Variants in SHISA9 observed in about 807,000 individuals in gnomAD.
The protein encoded by SHISA9 is protein shisa-9.
Under a neutral mutation model 38.0 loss-of-function variants are expected in SHISA9, and 13 were observed. The observed-to-expected ratio is 0.34, with a 90% confidence interval of 0.22 to 0.54. The LOEUF is 0.54. SHISA9 is among the 20% of genes least tolerant of loss of function. SHISA9 has a pLI of 0.91. For synonymous variants in SHISA9, 275 were observed against 242.0 expected, an observed-to-expected ratio of 1.14 and a Z score of -1.27; for missense variants, 538 against 575.8, an observed-to-expected ratio of 0.93 and a Z score of 0.67.
chr16:13,170,013 G>T (rs1388383731), intron 2 of SHISA9, among the ~76,000 whole-genome samples: 1 of 152,012 alleles, frequency 6.6e-6, no homozygotes, highest in Admixed American at 6.6e-5. Context: ...GACCAGCATG[G>T]CCAACATGGC....
chr16:13,252,818 A>G, the SHISA9 span, among the ~76,000 whole-genome samples: 12 of 152,328 alleles, frequency 7.9e-5, no homozygotes, highest in Admixed American at 2.6e-4. Flanking sequence ...GAACATAGGC[A>G]TTCAATAAAT....
the SHISA9 span, among the ~76,000 whole-genome samples, chr16:13,292,060 A>G: frequency 6.6e-6 from 1 of 151,464 alleles, no homozygotes; most frequent in African/African-American, 2.4e-5. Context: ...ATTCCTCATG[A>G]TCAATGTCTT....
At chr16:13,139,548 G>A (rs939726980) in intron 2 of SHISA9, among the ~76,000 whole-genome samples, 2 of 150,660 alleles carry the variant, frequency 1.3e-5, no homozygotes, top group African/African-American at 4.9e-5. Flanking sequence ...CTCCCTTAAG[G>A]ATTTCCTGTG....
chr16:13,126,448 G>C (rs1212583282), intron 2 of SHISA9, among the ~76,000 whole-genome samples: 1 of 150,732 alleles, frequency 6.6e-6, no homozygotes, highest in Non-Finnish European at 1.5e-5. Flanking sequence ...GAGGGAGAGG[G>C]AAAGAGAGAT....
chr16:13,254,471 A>C, the SHISA9 span, among the ~76,000 whole-genome samples: 1 of 152,246 alleles, frequency 6.6e-6, no homozygotes, highest in African/African-American at 2.4e-5. Flanking sequence ...CTCTGGGAAC[A>C]GAGTTTAGGG....
At chr16:13,050,244 C>G (rs1049915384) in intron 2 of SHISA9, among the ~76,000 whole-genome samples, 1 of 152,112 alleles carries the variant, frequency 6.6e-6, no homozygotes, top group African/African-American at 2.4e-5. Context: ...TTATTAATAA[C>G]TAATATAAAT....
At chr16:12,962,114 G>A (rs994805649) in intron 2 of SHISA9, among the ~76,000 whole-genome samples, 7 of 152,216 alleles carry the variant, frequency 4.6e-5, no homozygotes, top group Admixed American at 6.5e-5. Context: ...TACTCCAGTC[G>A]ATGCGAAGGC....
chr16:13,273,203 A>C, the SHISA9 span, among the ~76,000 whole-genome samples: 15,088 of 151,890 alleles, frequency 0.099, 762 homozygotes, highest in South Asian at 0.18. Context: ...ACACCAATGC[A>C]AAAAAAAGAG....
chr16:13,465,673 T>C, the SHISA9 span, among the ~76,000 whole-genome samples: 129 of 152,328 alleles, frequency 8.5e-4, no homozygotes, highest in African/African-American at 3.0e-3. Context: ...GAGTCATTTA[T>C]CTCAAGGTGA....
intron 2 of SHISA9, among the ~76,000 whole-genome samples, chr16:13,095,856 T>G (rs1368736614): frequency 6.6e-6 from 1 of 152,218 alleles, no homozygotes; most frequent in Non-Finnish European, 1.5e-5. Flanking sequence ...CAGGATCACT[T>G]GGAGAGCTTT....
At chr16:13,344,519 A>T in the SHISA9 span, among the ~76,000 whole-genome samples, 1 of 152,086 alleles carries the variant, frequency 6.6e-6, no homozygotes, top group African/African-American at 2.4e-5. Context: ...TTTTCTAAAG[A>T]TCAGATCCTT....
At chr16:13,216,099 A>G (rs1445218874) in intron 4 of SHISA9, among the ~76,000 whole-genome samples, 1 of 151,524 alleles carries the variant, frequency 6.6e-6, no homozygotes, top group Non-Finnish European at 1.5e-5. Context: ...AGGCAAGAGA[A>G]TCGCTTGAAT....
chr16:13,070,020 C>T lies in SHISA9; in HGVS notation c.692-133374C>T, dbSNP rs138945750. Among the ~76,000 whole-genome samples, 96 of 152,228 alleles carry T rather than the reference C, an allele frequency of 6.3e-4. 1 individual carries two copies. In the East Asian group the frequency reaches 0.013, roughly 21 times the overall value. ...TCTGGTGTTTTGTCGTAGCAGCTCA[C>T]GTGGACTAAGAGAAAGGGTGTCACT... On this transcript the variant is annotated intron_variant, in intron 2 of 4. Coordinates refer to ENST00000558583, the MANE Select transcript of SHISA9 (RefSeq NM_001145204.3).
chr16:13,093,797 C>T (rs1371068342), intron 2 of SHISA9, among the ~76,000 whole-genome samples: 2 of 152,214 alleles, frequency 1.3e-5, no homozygotes, highest in African/African-American at 4.8e-5. Context: ...GTACACCACA[C>T]AGCACTGCGG....
chr16:13,135,741 A>G (rs1364340415), intron 2 of SHISA9, among the ~76,000 whole-genome samples: 1 of 152,232 alleles, frequency 6.6e-6, no homozygotes, highest in African/African-American at 2.4e-5. Flanking sequence ...TGTATAGTAT[A>G]CAGTAACGCC....
intron 2 of SHISA9, among the ~76,000 whole-genome samples, chr16:13,182,706 C>T (rs1221082979): frequency 6.6e-6 from 1 of 152,206 alleles, no homozygotes. Context: ...ACACAGACCT[C>T]CACCACTAGG....
the SHISA9 span, among the ~76,000 whole-genome samples, chr16:13,257,108 A>C: frequency 6.6e-6 from 1 of 152,162 alleles, no homozygotes; most frequent in Non-Finnish European, 1.5e-5. Context: ...AGGAGCAGAG[A>C]TGAGAGTAGA....
At chr16:13,452,359 C>G in the SHISA9 span, among the ~76,000 whole-genome samples, 1 of 152,186 alleles carries the variant, frequency 6.6e-6, no homozygotes, top group Non-Finnish European at 1.5e-5. Context: ...TGAGGCTTTG[C>G]TTCTTATTCC....
At chr16:13,102,838 G>T (rs1325065827) in intron 2 of SHISA9, among the ~76,000 whole-genome samples, 1 of 152,150 alleles carries the variant, frequency 6.6e-6, no homozygotes, top group Non-Finnish European at 1.5e-5. Flanking sequence ...CTATTATTCT[G>T]CCTAGGCCAA....
Sources: gnomAD v4.1 joint callset for allele counts (sites outside exome capture counted in the v4.1 genomes callset) on GRCh38, gnomAD v4.1.1 for gene constraint, MANE v1.5 for transcripts, NCBI Gene and HGNC (gene_info 2026-07-23, HGNC 2026-07-21) for gene names.